Variants in SNX8 observed in about 807,000 individuals in gnomAD.
SNX8 encodes sorting nexin-8.
Under a neutral mutation model 51.6 loss-of-function variants are expected in SNX8, and 25 were observed. That is an observed-to-expected ratio of 0.48 (90% confidence interval 0.35 to 0.68). The LOEUF (loss-of-function observed/expected upper bound fraction) is 0.68. Among genes scored for constraint, SNX8 ranks in the 30% least tolerant of loss-of-function variants. The pLI, the probability that SNX8 is intolerant of heterozygous loss-of-function variation, is 0.00. For missense variants in SNX8, 695 were observed against 624.0 expected (o/e 1.11, Z -1.21); for synonymous variants, 324 against 277.0 (o/e 1.17, Z -1.68).
intron 3 of SNX8, among the ~76,000 whole-genome samples, chr7:2,272,419 G>A (rs1477283321): frequency 1.3e-5 from 2 of 151,182 alleles, no homozygotes; most frequent in African/African-American, 2.4e-5. Context: ...CTGTTGCCCA[G>A]GCTGGAGTGC....
At chr7:2,297,581 C>T (rs942909799) in intron 1 of SNX8, among the ~76,000 whole-genome samples, 1 of 99,558 alleles carries the variant, frequency 1.0e-5, no homozygotes, top group East Asian at 4.5e-4. Flanking sequence ...AAAAAAATAC[C>T]TGCACATGCC....
At chr7:2,304,339 T>G (rs375852933) in intron 1 of SNX8, among the ~76,000 whole-genome samples, 6 of 151,088 alleles carry the variant, frequency 4.0e-5, no homozygotes, top group Non-Finnish European at 8.8e-5. Flanking sequence ...GGTCAGGAGA[T>G]AGAGACCATC....
chr7:2,346,459 G>A (rs893043298), intron 1 of SNX8, among the ~76,000 whole-genome samples: 15 of 150,506 alleles, frequency 1.0e-4, no homozygotes, highest in Admixed American at 9.3e-4. Context: ...AAAAAAAAAG[G>A]TGAGGCAGCC....
rs1364690103 is a variant in SNX8 at position 2,352,908 on chromosome 7, G to A, written c.-66+1314C>T. Among the ~76,000 whole-genome samples, 4 of 152,126 alleles carry A rather than the reference G, an allele frequency of 2.6e-5. No homozygotes were observed. The East Asian group carries it at 7.7e-4, about 29-fold the overall frequency. On this transcript the variant is annotated intron_variant, in intron 1 of 5. Coordinates refer to the SNX8 transcript ENST00000435336. ...CTGAGGTGGAGGCATTAAGTGACCT[G>A]CCCAAAGATACACCACTGACAGCAT...
At position 2,256,991 on chromosome 7, in the gene SNX8, C is replaced by G. The variant is rs1319159965; in HGVS notation, c.1167G>C (p.Arg389=). Residue 389 remains arginine, a synonymous_variant, in exon 10 of 11, where the codon CGG becomes CGC. Transcript: ENST00000222990. ...QENAIQTMEL[R]NYFSLYCLHQ... ...GCAGGCAGTACAGGGAGAAGTAGTT[C>G]CGCAGCTCCATCGTCTGAATCGCGT... 6.2e-7 allele frequency: 1 copy of G among 1,611,862 alleles called. No homozygotes were observed. Among genetic ancestry groups the G allele is most frequent in the African/African-American group, 1.3e-5 (1 of 74,880 alleles).
chr7:2,251,770 T>A lies in SNX8; in HGVS notation c.*3286A>T, dbSNP rs984313532. 1.3e-5 allele frequency: 2 copies of A among 152,898 alleles called. No homozygotes were observed. Among genetic ancestry groups the A allele is most frequent in the African/African-American group, 4.8e-5 (2 of 41,456 alleles). The allele number at this position is 152,898 out of a possible 1,614,324, so 9.5% of individuals were successfully genotyped here. ...CTGCCCAACTTTCATACACGTTTAA[T>A]AACAGTTGTTCACACATGTTTATTG... On this transcript the variant is annotated 3_prime_UTR_variant, in exon 11 of 11. Coordinates refer to ENST00000222990, the MANE Select transcript of SNX8 (RefSeq NM_013321.4).
intron 1 of SNX8, among the ~76,000 whole-genome samples, chr7:2,313,342 A>G (rs1164631369): frequency 6.6e-6 from 1 of 151,660 alleles, no homozygotes; most frequent in East Asian, 2.0e-4. Flanking sequence ...CCTGGCCAAC[A>G]TGGTGAAACT....
chr7:2,349,213 A>C (rs1217155134), intron 1 of SNX8, among the ~76,000 whole-genome samples: 1 of 151,440 alleles, frequency 6.6e-6, no homozygotes, highest in Non-Finnish European at 1.5e-5. Flanking sequence ...CAAAAACAAA[A>C]AAAAAAAAAG....
chr7:2,309,430 G>A (rs1201667274), intron 1 of SNX8, among the ~76,000 whole-genome samples: 2 of 152,116 alleles, frequency 1.3e-5, no homozygotes, highest in Non-Finnish European at 2.9e-5. Flanking sequence ...GGAGGCTGAG[G>A]CACAAGAATC....
chr7:2,258,073 C>G (rs1015593549), intron 7 of SNX8, among the ~76,000 whole-genome samples: 1 of 150,316 alleles, frequency 6.7e-6, no homozygotes, highest in Non-Finnish European at 1.5e-5. Flanking sequence ...TGCAGTGGCA[C>G]GATCTCGGCT....
At chr7:2,334,194 C>G (rs960640049) in intron 1 of SNX8, among the ~76,000 whole-genome samples, 7 of 152,020 alleles carry the variant, frequency 4.6e-5, no homozygotes, top group African/African-American at 1.4e-4. Context: ...ATGAGGTCAG[C>G]AGATCGAGAC....
chr7:2,323,596 C>T (rs190124279), intron 1 of SNX8, among the ~76,000 whole-genome samples: 187 of 152,188 alleles, frequency 1.2e-3, no homozygotes, highest in Admixed American at 2.4e-3. Context: ...CTGGAGGATG[C>T]TGCAGGAGCC....
At chr7:2,273,574 A>G (rs1795700532) in intron 3 of SNX8, among the ~76,000 whole-genome samples, 2 of 144,776 alleles carry the variant, frequency 1.4e-5, no homozygotes, top group Admixed American at 7.0e-5. Context: ...TGACACGGCG[A>G]GTCTTCGTCT....
At chr7:2,323,047 G>C (rs796393321) in intron 1 of SNX8, among the ~76,000 whole-genome samples, 1 of 150,544 alleles carries the variant, frequency 6.6e-6, no homozygotes, top group East Asian at 2.0e-4. Context: ...TAAATGGTGT[G>C]GGCCAGGCAT....
intron 1 of SNX8, among the ~76,000 whole-genome samples, chr7:2,313,317 G>A (rs566266375): frequency 4.9e-4 from 75 of 151,946 alleles, no homozygotes; most frequent in African/African-American, 1.8e-3. Flanking sequence ...CCTGAGGTCA[G>A]GAGTTCGAGA....
At chr7:2,352,966 G>A (rs1348317783) in intron 1 of SNX8, among the ~76,000 whole-genome samples, 1 of 152,164 alleles carries the variant, frequency 6.6e-6, no homozygotes, top group Non-Finnish European at 1.5e-5. Context: ...TACTAGGCAT[G>A]GGAAGACTCT....
rs890832274 is a variant in SNX8 at position 2,257,443 on chromosome 7, C to A, written c.1056G>T (p.Met352Ile). 1 of 1,610,188 alleles carries A rather than the reference C, an allele frequency of 6.2e-7. No individual in the cohort carries two copies. Among genetic ancestry groups the A allele is most frequent in the Non-Finnish European group, 8.5e-7 (1 of 1,179,176 alleles). Reference protein sequence around the residue: ...HQRALHKYSLMKRQMMSATAQ... With the variant: ...HQRALHKYSLIKRQMMSATAQ... ...CGGTGGCGCTCATCATCTGCCTCTT[C>A]ATCAGGCTGTACTTGTGCAGGGCCC... The change falls in exon 9 of 11, where the codon ATG becomes ATT. Residue 352 changes from methionine (M) to isoleucine (I), a missense_variant. Met to Ile is a conservative substitution (Grantham distance 10). Transcript: ENST00000222990.
intron 7 of SNX8, 152 bp from the exon 8 acceptor site, chr7:2,257,955 C>G: frequency 1.5e-6 from 1 of 675,996 alleles, no homozygotes; most frequent in Admixed American, 2.5e-5. Flanking sequence ...AGGGGGCCCC[C>G]TTCCCCACCA....
chr7:2,321,297 C>T (rs540614307), intron 1 of SNX8, among the ~76,000 whole-genome samples: 4 of 152,168 alleles, frequency 2.6e-5, no homozygotes, highest in East Asian at 1.9e-4. Context: ...TCGTCAGCTC[C>T]GCTGCTGGAT....
Sources: allele counts gnomAD v4.1 joint callset (sites outside exome capture counted in the v4.1 genomes callset), GRCh38; gene constraint gnomAD v4.1.1; transcripts MANE v1.5; gene names NCBI Gene and HGNC (gene_info 2026-07-23, HGNC 2026-07-21).